The following ABTB3 variants were observed in gnomAD, a reference collection of about 807,000 sequenced individuals.
ABTB3 encodes the protein ankyrin repeat- and BTB/POZ domain-containing protein 3.
chr12:107,630,581 C>A, the ABTB3 span, among the ~76,000 whole-genome samples: 2 of 151,774 alleles, frequency 1.3e-5, no homozygotes, highest in Admixed American at 1.3e-4. Flanking sequence ...GTAGCTGGGA[C>A]CATAGTCATA....
chr12:107,463,708 C>G, the ABTB3 span, among the ~76,000 whole-genome samples: 7 of 152,192 alleles, frequency 4.6e-5, no homozygotes, highest in African/African-American at 1.7e-4. Flanking sequence ...CTCCATCGCA[C>G]CAGGCATGTG....
At chr12:107,538,746 T>TA in the ABTB3 span, among the ~76,000 whole-genome samples, 2 of 152,140 alleles carry the variant, frequency 1.3e-5, no homozygotes, top group Non-Finnish European at 2.9e-5. Context: ...CAGACACCAA[T>TA]GGGGTAGACT....
the ABTB3 span, chr12:107,635,437 A>G: frequency 6.4e-7 from 1 of 1,562,786 alleles, no homozygotes; most frequent in Non-Finnish European, 8.8e-7. Context: ...TTGTGATTTA[A>G]GGACGAGGAG....
chr12:107,605,364 C>T, the ABTB3 span, among the ~76,000 whole-genome samples: 3 of 152,144 alleles, frequency 2.0e-5, no homozygotes, highest in Admixed American at 1.3e-4. Flanking sequence ...AAAATGCTAA[C>T]GAGGAGACAA....
the ABTB3 span, among the ~76,000 whole-genome samples, chr12:107,500,846 CTTG>C: frequency 6.6e-6 from 1 of 152,170 alleles, no homozygotes. Context: ...GATTATTTCT[CTTG>C]CCTCTGTTAG....
At chr12:107,529,181 G>A in the ABTB3 span, among the ~76,000 whole-genome samples, 6 of 93,004 alleles carry the variant, frequency 6.5e-5, no homozygotes, top group African/African-American at 2.6e-4. Context: ...TGGTGATGGT[G>A]ATGATGATGG....
At chr12:107,324,618 AG>A in the ABTB3 span, among the ~76,000 whole-genome samples, 1 of 152,132 alleles carries the variant, frequency 6.6e-6, no homozygotes, top group African/African-American at 2.4e-5. Flanking sequence ...GTGGGTTCAG[AG>A]GTATATGCAT....
the ABTB3 span, among the ~76,000 whole-genome samples, chr12:107,452,423 G>A: frequency 2.6e-5 from 4 of 151,940 alleles, no homozygotes; most frequent in Non-Finnish European, 5.9e-5. Context: ...AGCCAGGATG[G>A]TCTCGATCTC....
the ABTB3 span, among the ~76,000 whole-genome samples, chr12:107,444,892 G>C: frequency 6.6e-6 from 1 of 152,168 alleles, no homozygotes; most frequent in African/African-American, 2.4e-5. Flanking sequence ...CAGAGGCTGG[G>C]AGGGTAGGGG....
At chr12:107,564,466 T>C in the ABTB3 span, among the ~76,000 whole-genome samples, 1 of 152,190 alleles carries the variant, frequency 6.6e-6, no homozygotes, top group African/African-American at 2.4e-5. Flanking sequence ...CTCTGTGAGC[T>C]AGGCATGCCT....
the ABTB3 span, among the ~76,000 whole-genome samples, chr12:107,575,481 C>T: frequency 1.7e-3 from 258 of 152,238 alleles, 1 homozygote; most frequent in Non-Finnish European, 3.2e-3. Context: ...CACACACGGA[C>T]GCTTAAAACA....
At chr12:107,478,009 C>T in the ABTB3 span, among the ~76,000 whole-genome samples, 1 of 152,162 alleles carries the variant, frequency 6.6e-6, no homozygotes, top group South Asian at 2.1e-4. Context: ...GGGAAGAAGA[C>T]CCAGTGTGGT....
At chr12:107,476,135 A>G in the ABTB3 span, among the ~76,000 whole-genome samples, 1 of 152,136 alleles carries the variant, frequency 6.6e-6, no homozygotes, top group Non-Finnish European at 1.5e-5. Flanking sequence ...GGTTTGAGGG[A>G]GGGCAGTGTA....
chr12:107,514,150 A>T, the ABTB3 span, among the ~76,000 whole-genome samples: 2 of 152,194 alleles, frequency 1.3e-5, no homozygotes, highest in Non-Finnish European at 2.9e-5. Flanking sequence ...TCTTTGTCCC[A>T]GTTGCACAGA....
At chr12:107,526,766 T>G in the ABTB3 span, among the ~76,000 whole-genome samples, 1 of 151,878 alleles carries the variant, frequency 6.6e-6, no homozygotes, top group Non-Finnish European at 1.5e-5. Flanking sequence ...TATAAAAAGG[T>G]TTTCTGGGTT....
At chr12:107,565,105 G>T in the ABTB3 span, among the ~76,000 whole-genome samples, 2,863 of 152,316 alleles carry the variant, frequency 0.019, 85 homozygotes, top group African/African-American at 0.063. Flanking sequence ...ACCGAGAGAG[G>T]CTGGGAAGCT....
chr12:107,532,729 C>T, the ABTB3 span, among the ~76,000 whole-genome samples: 3 of 152,136 alleles, frequency 2.0e-5, no homozygotes, highest in Non-Finnish European at 2.9e-5. Context: ...TATAGTCAAA[C>T]TGTCAAATGT....
chr12:107,413,948 C>T, the ABTB3 span, among the ~76,000 whole-genome samples: 2 of 152,130 alleles, frequency 1.3e-5, no homozygotes, highest in Admixed American at 1.3e-4. Flanking sequence ...TTGTGGATCC[C>T]TAAAAGGAGA....
chr12:107,645,472 A>C, the ABTB3 span, among the ~76,000 whole-genome samples: 1 of 152,138 alleles, frequency 6.6e-6, no homozygotes, highest in East Asian at 1.9e-4. Context: ...AGCAGAGCTG[A>C]GGTTCAAACC....
Sources: allele counts gnomAD v4.1 joint callset (sites outside exome capture counted in the v4.1 genomes callset), GRCh38; gene constraint gnomAD v4.1.1; transcripts MANE v1.5; gene names NCBI Gene and HGNC (gene_info 2026-07-23, HGNC 2026-07-21).